CXCL13: variants seen among roughly 807,000 people sequenced by gnomAD.
CXCL13 encodes the protein C-X-C motif chemokine 13.
Under a neutral mutation model 12.2 loss-of-function variants are expected in CXCL13, and 7 were observed. The observed-to-expected ratio is 0.57, with a 90% confidence interval of 0.33 to 1.07. The LOEUF is 1.07. CXCL13 is among the 50% of genes least tolerant of loss of function. The pLI is 0.04. For missense variants in CXCL13, 113 were observed against 127.4 expected (o/e 0.89, Z 0.55); for synonymous variants, 47 against 42.4 (o/e 1.11, Z -0.42).
At chr4:77,530,488 C>T (rs1578039022) in intron 1 of CXCL13, among the ~76,000 whole-genome samples, 1 of 152,060 alleles carries the variant, frequency 6.6e-6, no homozygotes, top group African/African-American at 2.4e-5. Flanking sequence ...TCAATTTCTT[C>T]CTGGTTTAGT....
intron 1 of CXCL13, among the ~76,000 whole-genome samples, chr4:77,538,817 G>T (rs946759236): frequency 6.6e-6 from 1 of 152,134 alleles, no homozygotes; most frequent in African/African-American, 2.4e-5. Flanking sequence ...GGTGGTGGAA[G>T]TTATCCAAGT....
chr4:77,520,014 C>T (rs182093259), intron 1 of CXCL13, among the ~76,000 whole-genome samples: 27 of 152,248 alleles, frequency 1.8e-4, no homozygotes, highest in African/African-American at 6.5e-4. Context: ...TGTCAAAGAT[C>T]AGATGGTTGT....
intron 1 of CXCL13, among the ~76,000 whole-genome samples, chr4:77,513,161 G>C (rs1219965707): frequency 1.3e-5 from 2 of 152,022 alleles, no homozygotes; most frequent in Non-Finnish European, 2.9e-5. Context: ...TGGTGTATAT[G>C]TGCCACATTT....
At chr4:77,580,782 G>GCCCTCCTCTCCCCTTCTCCTT (rs1316855967) in intron 1 of CXCL13, among the ~76,000 whole-genome samples, 7 of 93,616 alleles carry the variant, frequency 7.5e-5, no homozygotes, top group Non-Finnish European at 1.4e-4. Context: ...CCCCTCTCCT[G>GCCCTCCTCTCCCCTTCTCCTT]CCCTCCTCTC....
intron 1 of CXCL13, among the ~76,000 whole-genome samples, chr4:77,532,679 A>G (rs1463770896): frequency 6.6e-6 from 1 of 152,224 alleles, no homozygotes; most frequent in Non-Finnish European, 1.5e-5. Flanking sequence ...ACTTTCAGGT[A>G]CACCAATCAG....
chr4:77,560,986 C>A (rs547307111), intron 1 of CXCL13, among the ~76,000 whole-genome samples: 30 of 152,202 alleles, frequency 2.0e-4, no homozygotes, highest in African/African-American at 6.7e-4. Flanking sequence ...CCTGGGAACC[C>A]CAGGCAGTTA....
intron 1 of CXCL13, among the ~76,000 whole-genome samples, chr4:77,566,714 C>G (rs1008872626): frequency 2.0e-5 from 3 of 152,146 alleles, no homozygotes; most frequent in Non-Finnish European, 2.9e-5. Context: ...TATTAGAGTG[C>G]ATTTCCTTGG....
At chr4:77,546,299 A>T (rs989906915) in intron 1 of CXCL13, among the ~76,000 whole-genome samples, 3 of 152,090 alleles carry the variant, frequency 2.0e-5, no homozygotes, top group African/African-American at 7.2e-5. Context: ...TTTTCTATTG[A>T]TTGGAATAGT....
upstream of CXCL13, among the ~76,000 whole-genome samples, chr4:77,605,452 G>A (rs1726978676): frequency 6.6e-6 from 1 of 152,120 alleles, no homozygotes; most frequent in South Asian, 2.1e-4. Context: ...CCAATGTCAT[G>A]GAGTATATAT....
chr4:77,517,379 A>G (rs1207989382), intron 1 of CXCL13, among the ~76,000 whole-genome samples: 31 of 152,052 alleles, frequency 2.0e-4, no homozygotes, highest in Admixed American at 5.9e-4. Flanking sequence ...TTTCTGTCTC[A>G]TTGATCTGTC....
chr4:77,538,267 T>C (rs1477740349), intron 1 of CXCL13, among the ~76,000 whole-genome samples: 1 of 152,104 alleles, frequency 6.6e-6, no homozygotes, highest in Non-Finnish European at 1.5e-5. Context: ...AAAAAGAGAC[T>C]GCCTCAGAGC....
intron 1 of CXCL13, among the ~76,000 whole-genome samples, chr4:77,579,946 A>G (rs185881751): frequency 1.4e-4 from 21 of 152,308 alleles, no homozygotes; most frequent in Non-Finnish European, 8.8e-5. Flanking sequence ...GGTGATATTT[A>G]TCATTCCTAA....
intron 1 of CXCL13, among the ~76,000 whole-genome samples, chr4:77,556,811 G>A (rs1560525187): frequency 6.6e-6 from 1 of 152,022 alleles, no homozygotes; most frequent in Non-Finnish European, 1.5e-5. Flanking sequence ...TGAAGTCCGG[G>A]GTTTATGCCC....
intron 1 of CXCL13, among the ~76,000 whole-genome samples, chr4:77,513,022 T>C (rs1724311825): frequency 1.3e-5 from 2 of 152,088 alleles, no homozygotes; most frequent in Middle Eastern, 3.2e-3. Flanking sequence ...AGTGAGAACA[T>C]GTGGTGTTTG....
chr4:77,557,024 TA>T (rs961777056), intron 1 of CXCL13, among the ~76,000 whole-genome samples: 4 of 150,768 alleles, frequency 2.7e-5, no homozygotes, highest in African/African-American at 9.8e-5. Context: ...AGACTGTCTC[TA>T]AAAAATAAAA....
At chr4:77,531,171 C>A (rs1166979116) in intron 1 of CXCL13, among the ~76,000 whole-genome samples, 1 of 149,880 alleles carries the variant, frequency 6.7e-6, no homozygotes, top group South Asian at 2.1e-4. Context: ...ATGTGCACAA[C>A]GTGCTGGTTT....
chr4:77,515,542 C>G (rs546509702), intron 1 of CXCL13, among the ~76,000 whole-genome samples: 15 of 152,102 alleles, frequency 9.9e-5, no homozygotes, highest in Non-Finnish European at 1.9e-4. Flanking sequence ...AAGGTGGATT[C>G]CTAGGTATTT....
chr4:77,550,053 C>T (rs1725471291), intron 1 of CXCL13, among the ~76,000 whole-genome samples: 3 of 152,218 alleles, frequency 2.0e-5, no homozygotes, highest in African/African-American at 7.2e-5. Flanking sequence ...CAATGGCGGA[C>T]ACCCCTCTCC....
intron 1 of CXCL13, among the ~76,000 whole-genome samples, chr4:77,589,690 G>T (rs1194994296): frequency 6.6e-6 from 1 of 152,160 alleles, no homozygotes; most frequent in East Asian, 1.9e-4. Context: ...TCTGACCTCA[G>T]GGCTGAACAC....
Sources: gnomAD v4.1 joint callset for allele counts (sites outside exome capture counted in the v4.1 genomes callset) on GRCh38, gnomAD v4.1.1 for gene constraint, MANE v1.5 for transcripts, NCBI Gene and HGNC (gene_info 2026-07-23, HGNC 2026-07-21) for gene names.